PHACTR3: variants seen among roughly 807,000 people sequenced by gnomAD.
PHACTR3 encodes the protein phosphatase and actin regulator 3.
A neutral mutation model predicts 66.8 loss-of-function variants in PHACTR3; 16 were observed. The ratio of observed to expected loss-of-function variants is 0.24; its 90% confidence interval spans 0.16 to 0.36. The LOEUF is 0.36. PHACTR3 is among the 10% of genes least tolerant of loss of function. PHACTR3 has a pLI of 1.00. For synonymous variants in PHACTR3, 323 were observed against 292.1 expected (o/e 1.11, Z -1.08); for missense variants, 647 against 719.9 (o/e 0.90, Z 1.16).
intron 1 of PHACTR3, among the ~76,000 whole-genome samples, chr20:59,614,110 A>G (rs550919283): frequency 1.3e-5 from 2 of 152,342 alleles, no homozygotes; most frequent in South Asian, 2.1e-4. Context: ...CTTGAATCCA[A>G]GTGAGTCTGA....
chr20:59,670,464 T>C (rs1338359500), intron 1 of PHACTR3, among the ~76,000 whole-genome samples: 1 of 152,194 alleles, frequency 6.6e-6, no homozygotes, highest in African/African-American at 2.4e-5. Context: ...AGTCGTCCCC[T>C]GCCCTGGACA....
At chr20:59,578,567 C>G (rs753520573) in intron 1 of PHACTR3, among the ~76,000 whole-genome samples, 4 of 152,134 alleles carry the variant, frequency 2.6e-5, no homozygotes, top group African/African-American at 4.8e-5. Context: ...CCTGCCTTCC[C>G]TTGAAGACAT....
At chr20:59,808,182 G>A (rs1274584079) in intron 8 of PHACTR3, among the ~76,000 whole-genome samples, 12 of 152,202 alleles carry the variant, frequency 7.9e-5, no homozygotes, top group Admixed American at 7.8e-4. Flanking sequence ...CTCCCTAGTT[G>A]CTTTCCACAT....
intron 1 of PHACTR3, among the ~76,000 whole-genome samples, chr20:59,686,183 A>G (rs545414136): frequency 6.6e-6 from 1 of 152,260 alleles, no homozygotes; most frequent in African/African-American, 2.4e-5. Flanking sequence ...AGGACACAGC[A>G]TTTTGTTGGT....
rs61436358 is a variant in PHACTR3, at chr20:59,606,934, A to G, written c.118+1802A>G. Among the ~76,000 whole-genome samples the G allele has an allele frequency of 4.0e-3, 613 of 152,240 alleles. 6 individuals carry two copies. The highest frequency in any genetic ancestry group is 0.014 in the African/African-American group (572 of 41,524). On this transcript the variant is annotated intron_variant, in intron 1 of 12. Transcript: ENST00000371015. Reference sequence around the variant, plus strand: ...TATGTGCAATTCTGTGAGCAGTAGAACCTTACTAAAAAGCACCAAGCAATT... The same window carrying G: ...TATGTGCAATTCTGTGAGCAGTAGAGCCTTACTAAAAAGCACCAAGCAATT...
intron 7 of PHACTR3, among the ~76,000 whole-genome samples, chr20:59,797,048 C>T (rs1477488367): frequency 6.6e-6 from 1 of 152,124 alleles, no homozygotes; most frequent in East Asian, 1.9e-4. Flanking sequence ...ATCCTTTGCT[C>T]TCTCTCTTTT....
intron 4 of PHACTR3, among the ~76,000 whole-genome samples, chr20:59,762,372 C>T (rs1191332401): frequency 6.6e-6 from 1 of 152,226 alleles, no homozygotes; most frequent in Admixed American, 6.5e-5. Context: ...CCTGGGAAAT[C>T]CAGAGCTCCC....
chr20:59,727,568 C>G (rs2038612831), intron 1 of PHACTR3, among the ~76,000 whole-genome samples: 1 of 152,030 alleles, frequency 6.6e-6, no homozygotes, highest in South Asian at 2.1e-4. Context: ...AATTCACGGT[C>G]CCTGGGTTTG....
intron 7 of PHACTR3, among the ~76,000 whole-genome samples, chr20:59,805,619 G>A (rs1237805146): frequency 1.3e-5 from 2 of 152,160 alleles, no homozygotes; most frequent in Non-Finnish European, 2.9e-5. Flanking sequence ...CCATGTGGCT[G>A]GGGGGACAGT....
chr20:59,757,633 C>T (rs1453409519), intron 4 of PHACTR3, among the ~76,000 whole-genome samples: 1 of 152,084 alleles, frequency 6.6e-6, no homozygotes, highest in Non-Finnish European at 1.5e-5. Context: ...GGGTGGGGCT[C>T]TTGTCGGTGG....
intron 4 of PHACTR3, among the ~76,000 whole-genome samples, chr20:59,765,738 GT>G (rs2040157863): frequency 6.6e-6 from 1 of 152,164 alleles, no homozygotes. Context: ...TGACCACTGT[GT>G]TTTCAGCACC....
intron 10 of PHACTR3, 120 bp downstream of exon 10, chr20:59,840,550 G>GACATCATGGC: frequency 7.1e-7 from 1 of 1,406,848 alleles, no homozygotes; most frequent in Admixed American, 2.5e-5. Context: ...TGTTCTCCTG[G>GACATCATGGC]ACATCATGGC....
chr20:59,655,498 GC>G (rs762920606), intron 1 of PHACTR3, among the ~76,000 whole-genome samples: 7 of 151,788 alleles, frequency 4.6e-5, no homozygotes, highest in Non-Finnish European at 8.9e-5. Context: ...GGTAGTGTTG[GC>G]CCCTTTTACA....
At chr20:59,611,504 A>C (rs781074173) in intron 1 of PHACTR3, among the ~76,000 whole-genome samples, 1 of 152,226 alleles carries the variant, frequency 6.6e-6, no homozygotes, top group Non-Finnish European at 1.5e-5. Context: ...GGCAGGAGTC[A>C]TGGGACCGTG....
At chr20:59,842,157 A>G (rs1274288074) in intron 11 of PHACTR3, among the ~76,000 whole-genome samples, 2 of 152,194 alleles carry the variant, frequency 1.3e-5, no homozygotes, top group African/African-American at 4.8e-5. Flanking sequence ...TCTGCATGAC[A>G]TTTGGTGAGC....
intron 1 of PHACTR3, among the ~76,000 whole-genome samples, chr20:59,739,650 C>T (rs780390261): frequency 6.6e-6 from 1 of 152,158 alleles, no homozygotes; most frequent in African/African-American, 2.4e-5. Context: ...GATCCAATCA[C>T]CTCCACCTGG....
intron 1 of PHACTR3, among the ~76,000 whole-genome samples, chr20:59,589,402 G>A (rs552021571): frequency 5.3e-5 from 8 of 152,312 alleles, no homozygotes; most frequent in South Asian, 2.1e-4. Flanking sequence ...ACGGACGGCC[G>A]TTACTATTTA....
At chr20:59,715,880 T>G (rs1162261732) in intron 1 of PHACTR3, among the ~76,000 whole-genome samples, 2 of 152,218 alleles carry the variant, frequency 1.3e-5, no homozygotes, top group South Asian at 4.1e-4. Flanking sequence ...GTATATTTAT[T>G]TATTCAGCAA....
At chr20:59,730,049 G>T (rs1251619057) in intron 1 of PHACTR3, among the ~76,000 whole-genome samples, 1 of 152,138 alleles carries the variant, frequency 6.6e-6, no homozygotes, top group Non-Finnish European at 1.5e-5. Context: ...ATCTCCTTTT[G>T]GTTCTCATAT....
Sources: allele counts gnomAD v4.1 joint callset (sites outside exome capture counted in the v4.1 genomes callset), GRCh38; gene constraint gnomAD v4.1.1; transcripts MANE v1.5; gene names NCBI Gene and HGNC (gene_info 2026-07-23, HGNC 2026-07-21).